The following TMOD3 variants were observed in gnomAD, a reference collection of about 807,000 sequenced individuals.
The protein encoded by TMOD3 is tropomodulin 3.
A neutral mutation model predicts 39.2 loss-of-function variants in TMOD3; 20 were observed. The ratio of observed to expected loss-of-function variants is 0.51; its 90% CI spans 0.36 to 0.74. The LOEUF (loss-of-function observed/expected upper bound fraction) is 0.74. TMOD3 is among the 30% of genes least tolerant of loss of function. The pLI, the probability that TMOD3 is intolerant of heterozygous loss-of-function variation, is 0.00. For synonymous variants in TMOD3, 143 were observed against 145.8 expected (o/e 0.98, Z 0.14); for missense variants, 381 against 412.8 (o/e 0.92, Z 0.67).
At chr15:51,860,092 T>C (rs181829257) in intron 1 of TMOD3, 538 of 505,118 alleles carry the variant, frequency 1.1e-3, no homozygotes, top group Admixed American at 2.1e-3. Context: ...CTTTGTCTTA[T>C]TTCGTTGTAG....
At chr15:51,901,572 A>AGTGTGTGTGTGTGTGTGTGTGTGTGTGT in intron 8 of TMOD3, 1 of 182,986 alleles carries the variant, frequency 5.5e-6, no homozygotes, top group South Asian at 1.2e-4. Context: ...TAAAAAGTTT[A>AGTGTGTGTGTGTGTGTGTGTGTGTGTGT]GTGTGTGTGT....
intron 1 of TMOD3, among the ~76,000 whole-genome samples, chr15:51,857,146 C>A (rs1448445650): frequency 1.3e-5 from 2 of 152,228 alleles, no homozygotes; most frequent in East Asian, 3.9e-4. Context: ...GCATACTCTG[C>A]GAGTCTGTTT....
chr15:51,914,414 C>T lies in TMOD3; in HGVS notation c.*5604C>T, dbSNP rs2593178. 5,114 of 152,286 alleles carry T rather than the reference C, an allele frequency of 0.034. 292 individuals are homozygous for T. Among genetic ancestry groups the T allele is most frequent in the African/African-American group, 0.12 (4,868 of 41,508 alleles). 9.4% of individuals were successfully genotyped at this position (152,286 alleles called of 1,614,324 possible). On this transcript the variant is annotated 3_prime_UTR_variant, in exon 10 of 10. Coordinates refer to ENST00000308580, the MANE Select transcript of TMOD3 (RefSeq NM_014547.5). ...GTGCAGTGGCTCACACTTGTAATCCCAGCACTGTGGAGGCTGAGGTGGGCG... is the reference window on the plus strand; with the variant it reads ...GTGCAGTGGCTCACACTTGTAATCCTAGCACTGTGGAGGCTGAGGTGGGCG...
intron 3 of TMOD3, 100 bp downstream of exon 3, chr15:51,869,473 T>G: frequency 9.0e-7 from 1 of 1,108,802 alleles, no homozygotes; most frequent in South Asian, 1.4e-5. Context: ...ACATCATTGG[T>G]AGCCTTAAAT....
chr15:51,860,045 A>G (rs1290455776), intron 1 of TMOD3: 1 of 530,980 alleles, frequency 1.9e-6, no homozygotes, highest in African/African-American at 1.9e-5. Context: ...CTCTTCATAT[A>G]CGGCACAGCA....
chr15:51,857,823 TCTTACC>T (rs1311797805), intron 1 of TMOD3, among the ~76,000 whole-genome samples: 2 of 152,178 alleles, frequency 1.3e-5, no homozygotes, highest in Non-Finnish European at 2.9e-5. Context: ...TTTATCAGTT[TCTTACC>T]CTTATCTGTC....
chr15:51,889,540 G>A (rs144063618), intron 5 of TMOD3, among the ~76,000 whole-genome samples: 71 of 152,276 alleles, frequency 4.7e-4, no homozygotes, highest in African/African-American at 1.6e-3. Context: ...TCAGTCTGAT[G>A]TGAAGTATTA....
Position 51,843,141 on chromosome 15 carries a change from T to C in TMOD3, c.-75+13305T>C, listed in dbSNP as rs567917197. The stretch of plus-strand genomic sequence containing the variant: ...AGAGGAGGAAAAAGAGTAGTCAGAG[T>C]TGGAAGAGCTAGAAAGGCTTTGGAG... On this transcript the variant is annotated intron_variant, in intron 1 of 9. Coordinates refer to ENST00000308580, the MANE Select transcript of TMOD3 (RefSeq NM_014547.5). 1.1e-4 allele frequency among the ~76,000 whole-genome samples: 16 copies of C among 152,124 alleles called. 1 individual carries two copies. In the East Asian group the frequency reaches 2.9e-3, roughly 28 times the overall value.
rs533677956 is a variant in TMOD3 at position 51,885,968 on chromosome 15, C to T, written c.284-1621C>T. ...GTGGCTGGCCGGGCAGGGGCTGCCC[C>T]CTACCTCCCTCCCGGACGGGGCGGC... is the stretch of plus-strand genomic sequence containing the variant. On this transcript the variant is annotated intron_variant, in intron 3 of 9. Transcript: ENST00000308580. 4.7e-5 allele frequency among the ~76,000 whole-genome samples: 7 copies of T among 150,150 alleles called. No homozygotes were observed. The East Asian group carries it at 1.4e-3, about 30-fold the overall frequency.
At chr15:51,874,014 CAATT>C (rs1243114351) in intron 3 of TMOD3, among the ~76,000 whole-genome samples, 1 of 152,164 alleles carries the variant, frequency 6.6e-6, no homozygotes, top group African/African-American at 2.4e-5. Flanking sequence ...CTGAGACTGA[CAATT>C]AATTATACTT....
In TMOD3 at chr15:51,829,793, G is replaced by C. The variant is rs1431651190; in HGVS notation, c.-118G>C. On this transcript the variant is annotated 5_prime_UTR_variant, in exon 1 of 10. Coordinates refer to ENST00000308580, the MANE Select transcript of TMOD3 (RefSeq NM_014547.5). ...CCTCGGCTTGCGGCCGGCAGTTTCCGTGGGTCTGTGAAGAGGTCGGCGGCC... is the reference window on the plus strand; with the variant it reads ...CCTCGGCTTGCGGCCGGCAGTTTCCCTGGGTCTGTGAAGAGGTCGGCGGCC... 1 of 152,474 alleles carries C rather than the reference G, an allele frequency of 6.6e-6. No homozygotes were observed. Among genetic ancestry groups the C allele is most frequent in the Non-Finnish European group, 1.5e-5 (1 of 68,254 alleles). 9.4% of individuals were successfully genotyped at this position (152,474 alleles called of 1,614,324 possible).
chr15:51,901,852 C>G (rs1262310626), intron 8 of TMOD3, 40 bp from the exon 9 acceptor site: 4 of 1,586,338 alleles, frequency 2.5e-6, no homozygotes, highest in Non-Finnish European at 1.7e-6. Flanking sequence ...GTATTTTGAT[C>G]TAGTTTATTA....
intron 7 of TMOD3, among the ~76,000 whole-genome samples, chr15:51,897,852 CTT>C (rs1419045276): frequency 6.6e-6 from 1 of 151,666 alleles, no homozygotes; most frequent in Non-Finnish European, 1.5e-5. Context: ...TTAAACCTAC[CTT>C]TGGCCCTATC....
At chr15:51,879,856 T>TCACACACACACACACACACACACACACA (rs68117829) in intron 3 of TMOD3, among the ~76,000 whole-genome samples, 2 of 142,558 alleles carry the variant, frequency 1.4e-5, no homozygotes, top group Admixed American at 1.4e-4. Flanking sequence ...TCTCTGTCTT[T>TCACACACACACACACACACACACACACA]CACACACACA....
chr15:51,851,965 C>G (rs970962857), intron 1 of TMOD3, among the ~76,000 whole-genome samples: 1 of 152,146 alleles, frequency 6.6e-6, no homozygotes, highest in African/African-American at 2.4e-5. Flanking sequence ...TCCTTCTGAA[C>G]CATTTCAGTT....
At chr15:51,842,931 G>C (rs1472056354) in intron 1 of TMOD3, among the ~76,000 whole-genome samples, 2 of 152,172 alleles carry the variant, frequency 1.3e-5, no homozygotes, top group East Asian at 3.9e-4. Context: ...AGTAATACCA[G>C]TGGTATCTCT....
chr15:51,875,935 T>C (rs577031964), intron 3 of TMOD3, among the ~76,000 whole-genome samples: 1 of 152,176 alleles, frequency 6.6e-6, no homozygotes, highest in African/African-American at 2.4e-5. Flanking sequence ...CTGCTTTTAG[T>C]TGTTTCAGAA....
At chr15:51,858,631 T>A (rs2056400296) in intron 1 of TMOD3, among the ~76,000 whole-genome samples, 1 of 152,176 alleles carries the variant, frequency 6.6e-6, no homozygotes, top group Non-Finnish European at 1.5e-5. Flanking sequence ...TTCTATTTCC[T>A]CTATATTTTC....
intron 5 of TMOD3, among the ~76,000 whole-genome samples, chr15:51,890,948 T>C (rs2056589950): frequency 6.6e-6 from 1 of 152,248 alleles, no homozygotes; most frequent in Admixed American, 6.5e-5. Context: ...CTTTTTTTTC[T>C]TGACGTATTT....
Sources: allele counts gnomAD v4.1 joint callset (sites outside exome capture counted in the v4.1 genomes callset), GRCh38; gene constraint gnomAD v4.1.1; transcripts MANE v1.5; gene names NCBI Gene and HGNC (gene_info 2026-07-23, HGNC 2026-07-21).